The following ZNF345 variants were observed in gnomAD, a reference collection of about 807,000 sequenced individuals.
ZNF345 encodes the protein zinc finger protein HZF10.
For synonymous variants in ZNF345, 166 were observed against 187.9 expected, an observed-to-expected ratio of 0.88 and a Z score of 0.95; for missense variants, 527 against 589.9, an observed-to-expected ratio of 0.89 and a Z score of 1.10.
rs534837285 is a variant in ZNF345, at chr19:36,863,887, C to A, written c.-47+11983C>A. ...GACACTTCATTCCAATCAACCATGG[C>A]CTAATTAATTGTAACATTACTGCAT... On this transcript the variant is annotated intron_variant, in intron 2 of 2. Coordinates refer to ENST00000420450, the MANE Select transcript of ZNF345 (RefSeq NM_001242472.2). Among the ~76,000 whole-genome samples the A allele has an allele frequency of 1.1e-4, 16 of 152,296 alleles. No individual in the cohort carries two copies. The South Asian group carries it at 3.3e-3, about 32-fold the overall frequency.
chr19:36,888,110 G>A (rs1205149485), intron 3 of ZNF345: 1 of 152,000 alleles, frequency 6.6e-6, no homozygotes, highest in African/African-American at 2.4e-5. Flanking sequence ...AATCAGTAAA[G>A]ATGACCAACA....
intron 2 of ZNF345, among the ~76,000 whole-genome samples, chr19:36,876,508 C>T (rs976648632): frequency 2.6e-5 from 4 of 152,116 alleles, no homozygotes; most frequent in Admixed American, 2.0e-4. Flanking sequence ...CTAAACTAAA[C>T]TACTATTTAA....
rs768517731 is a variant in ZNF345, at chr19:36,877,554, G to A, written c.724G>A (p.Gly242Ser). The A allele has an allele frequency of 1.9e-6, 3 of 1,614,096 alleles. No homozygotes were observed. The highest frequency in any genetic ancestry group is 1.7e-6 in the Non-Finnish European group (2 of 1,180,010). Residue 242 changes from glycine to serine, a missense_variant, in exon 3 of 3, where the codon GGT becomes AGT. Coordinates refer to ENST00000420450, the MANE Select transcript of ZNF345 (RefSeq NM_001242472.2). ...CKACGMAFSS[G>S]SALTRHQRIH... is the part of the protein sequence containing the mutation. ...AGCATGTGGAATGGCCTTTAGCAGT[G>A]GTTCGGCTCTTACTCGGCATCAGAG...
At chr19:36,881,218 G>A (rs2072966160), downstream of ZNF345, among the ~76,000 whole-genome samples, 1 of 152,134 alleles carries the variant, frequency 6.6e-6, no homozygotes, top group African/African-American at 2.4e-5. Flanking sequence ...AACTTTTTGA[G>A]CTCAACATTA....
At chr19:36,886,507 A>G (rs1660045957) in intron 3 of ZNF345, among the ~76,000 whole-genome samples, 1 of 152,220 alleles carries the variant, frequency 6.6e-6, no homozygotes, top group African/African-American at 2.4e-5. Context: ...GCGGAGGAAC[A>G]TTCTACGCTA....
downstream of ZNF345, among the ~76,000 whole-genome samples, chr19:36,880,479 C>T (rs1289225077): frequency 6.6e-6 from 1 of 152,056 alleles, no homozygotes; most frequent in Non-Finnish European, 1.5e-5. Context: ...TACTCATCTG[C>T]ATGATTCTTT....
chr19:36,884,049 C>G (rs146768931), downstream of ZNF345, among the ~76,000 whole-genome samples: 560 of 149,156 alleles, frequency 3.8e-3, 2 homozygotes, highest in Non-Finnish European at 6.4e-3. Flanking sequence ...AATACTATAC[C>G]TATGATTACA....
At chr19:36,857,393 G>A (rs1195100773) in intron 2 of ZNF345, among the ~76,000 whole-genome samples, 1 of 151,696 alleles carries the variant, frequency 6.6e-6, no homozygotes, top group East Asian at 1.9e-4. Context: ...TGCAAGCTCC[G>A]CCTCCTGGGT....
intron 3 of ZNF345, chr19:36,892,622 A>G (rs1395077931): frequency 2.4e-6 from 2 of 837,788 alleles, no homozygotes; most frequent in African/African-American, 3.4e-5. Context: ...TGACAAGAAA[A>G]GCACAGACAT....
intron 2 of ZNF345, among the ~76,000 whole-genome samples, chr19:36,852,239 A>G (rs936886834): frequency 1.5e-4 from 22 of 147,162 alleles, no homozygotes; most frequent in African/African-American, 5.6e-4. Flanking sequence ...TACTACAGGC[A>G]GTGTGACTAT....
intron 2 of ZNF345, among the ~76,000 whole-genome samples, chr19:36,860,682 C>T (rs1182701165): frequency 6.6e-6 from 1 of 152,170 alleles, no homozygotes; most frequent in Non-Finnish European, 1.5e-5. Context: ...GCTGCATCAT[C>T]TCAGGAGATA....
chr19:36,873,044 C>G (rs57567370), intron 2 of ZNF345, among the ~76,000 whole-genome samples: 1 of 152,086 alleles, frequency 6.6e-6, no homozygotes, highest in Non-Finnish European at 1.5e-5. Context: ...CCATATTTTC[C>G]TATTTTCCAT....
chr19:36,872,525 C>T (rs528565146), intron 2 of ZNF345: 1 of 152,424 alleles, frequency 6.6e-6, no homozygotes, highest in East Asian at 1.9e-4. Context: ...CTTCCTCTCT[C>T]TCCACATAAT....
intron 2 of ZNF345, among the ~76,000 whole-genome samples, chr19:36,876,353 T>C (rs1165647932): frequency 2.0e-5 from 3 of 152,112 alleles, no homozygotes; most frequent in African/African-American, 7.2e-5. Context: ...AAAAATGTAG[T>C]ACTCCCAACA....
intron 2 of ZNF345, among the ~76,000 whole-genome samples, chr19:36,857,103 A>G (rs1379075293): frequency 2.6e-5 from 4 of 152,084 alleles, no homozygotes; most frequent in African/African-American, 9.7e-5. Flanking sequence ...TGTCCATGTT[A>G]ACATTTATCT....
rs1254321116 is a variant in ZNF345 at position 36,876,876 on chromosome 19, G to A, written c.46G>A (p.Gly16Ser). The A allele has an allele frequency of 1.2e-6, 2 of 1,613,744 alleles. No individual in the cohort carries two copies. Among genetic ancestry groups the A allele is most frequent in the Non-Finnish European group, 1.7e-6 (2 of 1,179,898 alleles). The change falls in exon 3 of 3, where the codon GGT becomes AGT. Residue 16 changes from glycine (G) to serine (S), a missense_variant. Gly to Ser is a moderately conservative substitution (Grantham distance 56, BLOSUM62 0). Coordinates refer to ENST00000420450, the MANE Select transcript of ZNF345 (RefSeq NM_001242472.2). ...CAGCATTGAGTGTTCAAGTTTCAGA[G>A]GTGATTGGGAATGTAAAAACCAGTT... ...KHSIECSSFR[G>S]DWECKNQFER...
chr19:36,855,244 G>A (rs1215055616), intron 2 of ZNF345, among the ~76,000 whole-genome samples: 1 of 150,870 alleles, frequency 6.6e-6, no homozygotes, highest in Non-Finnish European at 1.5e-5. Context: ...CCGGGTTCAC[G>A]CCATTCTCCT....
intron 2 of ZNF345, among the ~76,000 whole-genome samples, chr19:36,862,447 G>A (rs1288764189): frequency 6.6e-6 from 1 of 151,650 alleles, no homozygotes; most frequent in African/African-American, 2.4e-5. Flanking sequence ...TGGATCACTT[G>A]AGGCCGGGAG....
At chr19:36,885,885 C>A (rs2072993310) in intron 3 of ZNF345, among the ~76,000 whole-genome samples, 1 of 152,080 alleles carries the variant, frequency 6.6e-6, no homozygotes, top group Non-Finnish European at 1.5e-5. Context: ...TCTTTCCCCC[C>A]AGTTATATTC....
Sources: allele counts gnomAD v4.1 joint callset (sites outside exome capture counted in the v4.1 genomes callset), GRCh38; gene constraint gnomAD v4.1.1; transcripts MANE v1.5; gene names NCBI Gene and HGNC (gene_info 2026-07-23, HGNC 2026-07-21).